Variants in SMYD3 observed in about 807,000 individuals in gnomAD.
The protein encoded by SMYD3 is SET and MYND domain containing 3.
A neutral mutation model predicts 57.7 loss-of-function variants in SMYD3; 36 were observed. That is an observed-to-expected ratio of 0.62 (90% CI 0.48 to 0.82). The LOEUF is 0.82. SMYD3 is among the 40% of genes least tolerant of loss of function. The probability of loss-of-function intolerance (pLI) is 0.00; values close to 1 mark genes in which losing one functional copy is unlikely to be tolerated. For synonymous variants in SMYD3, 211 were observed against 195.0 expected (o/e 1.08, Z -0.68); for missense variants, 515 against 538.8 (o/e 0.96, Z 0.44).
At chr1:246,167,627 C>T (rs1359173646) in intron 5 of SMYD3, among the ~76,000 whole-genome samples, 8 of 151,660 alleles carry the variant, frequency 5.3e-5, no homozygotes, top group Non-Finnish European at 1.0e-4. Flanking sequence ...TCTCCTGCCT[C>T]GACCTCCCGA....
intron 1 of SMYD3, among the ~76,000 whole-genome samples, chr1:246,397,528 A>T (rs1284918691): frequency 6.6e-6 from 1 of 152,156 alleles, no homozygotes; most frequent in Non-Finnish European, 1.5e-5. Context: ...TCCATCATGG[A>T]AAAAAACAAA....
chr1:246,291,490 G>C (rs556998806), intron 5 of SMYD3, among the ~76,000 whole-genome samples: 1 of 152,280 alleles, frequency 6.6e-6, no homozygotes, highest in Non-Finnish European at 1.5e-5. Flanking sequence ...AGGTCAAATA[G>C]AGTAATATCT....
intron 1 of SMYD3, among the ~76,000 whole-genome samples, chr1:246,491,544 TAA>T (rs369181751): frequency 6.1e-4 from 57 of 93,544 alleles, no homozygotes; most frequent in Non-Finnish European, 6.7e-4. Context: ...TCGTCTCAAA[TAA>T]AAAAAAAAAA....
intron 5 of SMYD3, among the ~76,000 whole-genome samples, chr1:246,159,361 A>C (rs1380095972): frequency 2.6e-5 from 4 of 152,042 alleles, no homozygotes; most frequent in Admixed American, 6.5e-5. Flanking sequence ...TCAGCCTTCC[A>C]GTGATGAAGA....
chr1:246,504,401 G>A (rs894257759), intron 1 of SMYD3, among the ~76,000 whole-genome samples: 20 of 152,122 alleles, frequency 1.3e-4, no homozygotes, highest in Non-Finnish European at 7.3e-5. Context: ...AACCTGCACC[G>A]CGTGTTACTG....
intron 8 of SMYD3, among the ~76,000 whole-genome samples, chr1:245,903,462 C>T (rs181104614): frequency 6.6e-6 from 1 of 152,128 alleles, no homozygotes; most frequent in African/African-American, 2.4e-5. Context: ...CCCCCACCCC[C>T]ACAAGGACAC....
chr1:246,420,109 G>A (rs1177293576), intron 1 of SMYD3, among the ~76,000 whole-genome samples: 1 of 151,694 alleles, frequency 6.6e-6, no homozygotes, highest in African/African-American at 2.4e-5. Flanking sequence ...TGAGGCAGAA[G>A]AATCACTTGA....
chr1:246,078,302 T>C (rs1264630366), intron 5 of SMYD3, among the ~76,000 whole-genome samples: 1 of 152,082 alleles, frequency 6.6e-6, no homozygotes, highest in African/African-American at 2.4e-5. Flanking sequence ...CATGGAGTTA[T>C]TGAGACTAAA....
intron 5 of SMYD3, among the ~76,000 whole-genome samples, chr1:246,300,874 C>G: frequency 6.6e-6 from 1 of 152,080 alleles, no homozygotes; most frequent in East Asian, 1.9e-4. Flanking sequence ...ACAAAGACCT[C>G]AGGAAATCAA....
At chr1:245,955,237 G>C (rs965167581) in intron 5 of SMYD3, among the ~76,000 whole-genome samples, 1 of 140,406 alleles carries the variant, frequency 7.1e-6, no homozygotes, top group Admixed American at 7.4e-5. Context: ...GACTACAGGT[G>C]CCCGCCGCCA....
intron 10 of SMYD3, among the ~76,000 whole-genome samples, chr1:245,800,863 A>G (rs2047827399): frequency 6.6e-6 from 1 of 152,170 alleles, no homozygotes; most frequent in Non-Finnish European, 1.5e-5. Context: ...GAGTAATACC[A>G]CCTTCCTGAT....
At chr1:245,854,872 TTC>T (rs2148465846) in intron 10 of SMYD3, among the ~76,000 whole-genome samples, 1 of 152,186 alleles carries the variant, frequency 6.6e-6, no homozygotes, top group Non-Finnish European at 1.5e-5. Flanking sequence ...TAAAAAAACA[TTC>T]TGTGTATTAT....
chr1:245,920,291 C>T (rs534626029), intron 7 of SMYD3, among the ~76,000 whole-genome samples: 162 of 133,944 alleles, frequency 1.2e-3, no homozygotes, highest in South Asian at 2.0e-3. Flanking sequence ...CCAGCCTGGG[C>T]GACAGAGCGA....
intron 1 of SMYD3, among the ~76,000 whole-genome samples, chr1:246,415,035 T>A (rs898033572): frequency 6.6e-6 from 1 of 152,112 alleles, no homozygotes; most frequent in Admixed American, 6.5e-5. Context: ...GTTTTTGACA[T>A]CCACATTGGG....
intron 1 of SMYD3, among the ~76,000 whole-genome samples, chr1:246,444,127 A>ATTT (rs371124808): frequency 2.0e-4 from 28 of 142,722 alleles, no homozygotes; most frequent in Non-Finnish European, 2.6e-4. Flanking sequence ...GAACCTAAGA[A>ATTT]TTTTTTTTTT....
chr1:245,837,605 A>C (rs568996275), intron 10 of SMYD3, among the ~76,000 whole-genome samples: 3 of 152,248 alleles, frequency 2.0e-5, no homozygotes, highest in African/African-American at 7.2e-5. Context: ...TACCCAGGAG[A>C]CTTTAGCCTT....
intron 5 of SMYD3, among the ~76,000 whole-genome samples, chr1:245,948,034 A>G (rs866425350): frequency 4.5e-4 from 69 of 152,256 alleles, no homozygotes; most frequent in Middle Eastern, 3.4e-3. Flanking sequence ...CAGTTTTAGC[A>G]AAAGAACCCT....
At position 246,181,814 on chromosome 1, in the gene SMYD3, T is replaced by C. The variant is rs764259525; in HGVS notation, c.531+145387A>G. Among the ~76,000 whole-genome samples the C allele has an allele frequency of 5.2e-4, 79 of 152,158 alleles. 1 individual carries two copies. The highest frequency in any genetic ancestry group is 1.5e-3 in the African/African-American group (62 of 41,424). On this transcript the variant is annotated intron_variant, in intron 5 of 11. Transcript: ENST00000490107. Reference sequence around the variant, plus strand: ...TGGGCTAACATATCCTCCAGATACATAGACACAACTTAAAGCAGAGAAGCC... The same window carrying C: ...TGGGCTAACATATCCTCCAGATACACAGACACAACTTAAAGCAGAGAAGCC...
intron 5 of SMYD3, among the ~76,000 whole-genome samples, chr1:245,969,624 A>G (rs1572814200): frequency 1.3e-5 from 2 of 152,368 alleles, no homozygotes; most frequent in Admixed American, 1.3e-4. Flanking sequence ...AAGGGGGGAA[A>G]GGCCAGGAAC....
Sources: allele counts gnomAD v4.1 joint callset (sites outside exome capture counted in the v4.1 genomes callset), GRCh38; gene constraint gnomAD v4.1.1; transcripts MANE v1.5; gene names NCBI Gene and HGNC (gene_info 2026-07-23, HGNC 2026-07-21).